Variants in NGLY1 observed in about 807,000 individuals in gnomAD.
NGLY1 encodes the protein N-glycanase 1, also known as peptide-N(4)-(N-acetyl-beta-glucosaminyl)asparagine amidase.
In NGLY1, 68 loss-of-function variants were observed where a neutral mutation model predicts 84.6. The ratio of observed to expected loss-of-function variants is 0.80; its 90% CI spans 0.66 to 0.98. The LOEUF (loss-of-function observed/expected upper bound fraction) is 0.98, where lower values mean the gene tolerates loss of function less well. Ranked by LOEUF, NGLY1 falls within the 50% of genes least tolerant of loss-of-function variation. NGLY1 has a pLI of 0.00. For missense variants in NGLY1, 779 were observed against 770.2 expected (o/e 1.01, Z -0.14); for synonymous variants, 280 against 275.2 (o/e 1.02, Z -0.17).
intron 5 of NGLY1, among the ~76,000 whole-genome samples, chr3:25,738,337 GTT>G (rs778790658): frequency 1.3e-5 from 2 of 152,120 alleles, no homozygotes; most frequent in Non-Finnish European, 2.9e-5. Flanking sequence ...TTTGGAAGTT[GTT>G]TTTTGGGATC....
rs1182383020 is a variant in NGLY1 at position 25,783,328 on chromosome 3, G to T, written c.63C>A (p.Cys21Ter). ...CCAAAAAGGTCTCCGGGGTGTTCTG[G>T]CAGAGCTCAGCCACGGCCGGGGACG... ...GSASPAVAEL[C>*]QNTPETFLEA... Residue 21 changes from cysteine (C) to a stop codon, truncating the protein, a stop_gained, in exon 1 of 12, where the codon TGC becomes TGA. Transcript: ENST00000280700. LOFTEE classifies it high-confidence loss of function. The surrounding 1 kb of genome is among the most constrained non-coding windows in gnomAD (Gnocchi z 4.5). The T allele has an allele frequency of 3.8e-6, 6 of 1,594,436 alleles. No homozygotes were observed. Among genetic ancestry groups the T allele is most frequent in the Non-Finnish European group, 5.1e-6 (6 of 1,171,898 alleles).
At chr3:25,752,296 C>T (rs759316427) in intron 3 of NGLY1, among the ~76,000 whole-genome samples, 2 of 152,032 alleles carry the variant, frequency 1.3e-5, no homozygotes, top group African/African-American at 2.4e-5. Context: ...GATCCTGGCT[C>T]GCTGCAACCT....
chr3:25,763,887 A>G (rs1041611330), intron 3 of NGLY1, among the ~76,000 whole-genome samples, 179 bp downstream of exon 3: 3 of 152,228 alleles, frequency 2.0e-5, no homozygotes, highest in Non-Finnish European at 4.4e-5. Context: ...GTATTAATGC[A>G]GTAGAGGAAA....
intron 4 of NGLY1, among the ~76,000 whole-genome samples, chr3:25,744,384 T>C (rs150788717): frequency 5.0e-4 from 76 of 152,320 alleles, no homozygotes; most frequent in African/African-American, 1.7e-3. Context: ...TCTATCTCAT[T>C]TGGCAGTGCC....
intron 2 of NGLY1, among the ~76,000 whole-genome samples, chr3:25,777,512 C>T (rs1392674781): frequency 6.6e-6 from 1 of 151,894 alleles, no homozygotes; most frequent in Non-Finnish European, 1.5e-5. Flanking sequence ...CCTCCCTATG[C>T]AGCTTATTTC....
chr3:25,755,040 T>C, intron 3 of NGLY1: 7 of 1,120,072 alleles, frequency 6.2e-6, no homozygotes, highest in Non-Finnish European at 9.6e-6. Context: ...ATAAATCAAA[T>C]TTTGGAATTT....
At chr3:25,778,186 C>CA (rs1228779183) in intron 2 of NGLY1, 2 of 153,356 alleles carry the variant, frequency 1.3e-5, no homozygotes, top group Non-Finnish European at 1.5e-5. Context: ...CAGCTCAACT[C>CA]AGTTTTTCTG....
At chr3:25,759,329 AAAAAG>A (rs1283587567) in intron 3 of NGLY1, among the ~76,000 whole-genome samples, 21 of 152,278 alleles carry the variant, frequency 1.4e-4, no homozygotes, top group Non-Finnish European at 2.8e-4. Flanking sequence ...GAAAAAAAAA[AAAAAG>A]AAATGTCTCC....
At chr3:25,763,234 A>T (rs1419315098) in intron 3 of NGLY1, among the ~76,000 whole-genome samples, 2 of 152,254 alleles carry the variant, frequency 1.3e-5, no homozygotes, top group East Asian at 3.8e-4. Flanking sequence ...CAGGAAAGAG[A>T]TATTTTGTAA....
At chr3:25,731,401 C>T (rs189796820) in intron 9 of NGLY1, among the ~76,000 whole-genome samples, 18 of 152,126 alleles carry the variant, frequency 1.2e-4, no homozygotes, top group Non-Finnish European at 2.4e-4. Flanking sequence ...ATTAAAATCA[C>T]GATACTACTA....
chr3:25,719,643 AG>A lies in NGLY1; in HGVS notation c.1790-9del, dbSNP rs774984084. ...AGGAGTGAAGACTGTTATCTGTTAG[AG>A]GGAAAAAAAAAATTAACATTTTGCT... On this transcript the variant is annotated splice_polypyrimidine_tract_variant and intron_variant, in intron 11 of 11. Transcript: ENST00000280700. 1 of 1,596,696 alleles carries A rather than the reference AG, an allele frequency of 6.3e-7. No homozygotes were observed.
At chr3:25,745,180 A>C (rs1464322443) in intron 4 of NGLY1, among the ~76,000 whole-genome samples, 1 of 152,168 alleles carries the variant, frequency 6.6e-6, no homozygotes, top group African/African-American at 2.4e-5. Flanking sequence ...CCTACTGTCC[A>C]GTAGGGTTGT....
intron 10 of NGLY1, among the ~76,000 whole-genome samples, chr3:25,721,958 C>T (rs1487317533): frequency 6.6e-6 from 1 of 151,694 alleles, no homozygotes; most frequent in Non-Finnish European, 1.5e-5. Flanking sequence ...TCATTCACAC[C>T]GGTAATCCCA....
chr3:25,748,300 C>A (rs924906448), intron 4 of NGLY1, among the ~76,000 whole-genome samples: 6 of 152,108 alleles, frequency 3.9e-5, no homozygotes, highest in Non-Finnish European at 5.9e-5. Context: ...CAATGGATTA[C>A]AACTAAACGA....
rs531818028 is a variant in NGLY1, at chr3:25,739,915, G to A, written c.659-116C>T. The stretch of plus-strand genomic sequence containing the variant: ...ATATGAAAACATAAGATGATTTTAA[G>A]GTTTTCACTAATAAGAGGCAAGAAG... On this transcript the variant is annotated intron_variant, in intron 4 of 11. Transcript: ENST00000280700. 37 of 780,000 alleles carry A rather than the reference G, an allele frequency of 4.7e-5. No individual in the cohort carries two copies. The South Asian group carries it at 6.5e-4, about 14-fold the overall frequency. 48.3% of individuals were successfully genotyped at this position (780,000 alleles called of 1,614,324 possible).
intron 2 of NGLY1, among the ~76,000 whole-genome samples, chr3:25,768,971 A>G (rs1707760994): frequency 2.0e-5 from 3 of 152,242 alleles, no homozygotes; most frequent in African/African-American, 7.2e-5. Context: ...AGTGAAAGAA[A>G]ATATGTGCAA....
intron 1 of NGLY1, chr3:25,789,687 C>T: frequency 1.3e-6 from 1 of 784,454 alleles, no homozygotes; most frequent in Middle Eastern, 3.1e-4. Flanking sequence ...ACTTTACTCA[C>T]AATTACTAAT....
chr3:25,775,673 G>C (rs1204070552), intron 2 of NGLY1, among the ~76,000 whole-genome samples: 1 of 152,136 alleles, frequency 6.6e-6, no homozygotes, highest in Non-Finnish European at 1.5e-5. Context: ...GAGTGGAATG[G>C]CAGTTACCAA....
At chr3:25,724,723 G>A (rs947606026) in intron 10 of NGLY1, among the ~76,000 whole-genome samples, 1 of 151,964 alleles carries the variant, frequency 6.6e-6, no homozygotes, top group Admixed American at 6.6e-5. Flanking sequence ...TGCTTTTGAA[G>A]ACACTATTTC....
Sources: allele counts gnomAD v4.1 joint callset (sites outside exome capture counted in the v4.1 genomes callset), GRCh38; gene constraint gnomAD v4.1.1; non-coding constraint Gnocchi (gnomAD v3.1); transcripts MANE v1.5; gene names NCBI Gene and HGNC (gene_info 2026-07-23, HGNC 2026-07-21).